The following SUGT1 variants were observed in gnomAD, a reference collection of about 807,000 sequenced individuals.
The protein encoded by SUGT1 is protein SGT1 homolog.
SUGT1 carries 15 observed loss-of-function variants against 56.1 expected under a neutral mutation model. That is an observed-to-expected ratio of 0.27 (90% CI 0.18 to 0.41). The LOEUF is 0.41. SUGT1 is among the 10% of genes least tolerant of loss of function. SUGT1 has a pLI of 1.00. For synonymous variants in SUGT1, 123 were observed against 128.6 expected (o/e 0.96, Z 0.30); for missense variants, 347 against 382.2 (o/e 0.91, Z 0.77).
chr13:52,690,955 T>TC lies in SUGT1; in HGVS notation c.*3122dup, dbSNP rs1311450030. The TC allele has an allele frequency of 1.3e-5, 2 of 152,286 alleles. No homozygotes were observed. The highest frequency in any genetic ancestry group is 3.8e-4 in the East Asian group (2 of 5,204). The allele number at this position is 152,286 out of a possible 1,614,324, so 9.4% of individuals were successfully genotyped here. A position where few individuals can be genotyped will look rare whatever the true frequency, so the allele number is the denominator to read the frequency against. On this transcript the variant is annotated 3_prime_UTR_variant, in exon 13 of 13. Transcript: ENST00000310528. ...GGTGCGATCATGGCTCACTGTAGCCTCCAACTCCTAGGCTCAAGTAATCCT... is the reference window on the plus strand; with the variant it reads ...GGTGCGATCATGGCTCACTGTAGCCTCCCAACTCCTAGGCTCAAGTAATCCT...
intron 5 of SUGT1, among the ~76,000 whole-genome samples, chr13:52,662,250 T>C (rs537436488): frequency 6.6e-6 from 1 of 152,248 alleles, no homozygotes; most frequent in Admixed American, 6.5e-5. Flanking sequence ...CTTTTGAACC[T>C]CAACTCAGCT....
intron 12 of SUGT1, among the ~76,000 whole-genome samples, chr13:52,684,244 T>C (rs1354085133): frequency 6.6e-6 from 1 of 152,026 alleles, no homozygotes; most frequent in African/African-American, 2.4e-5. Context: ...TGATATCTTT[T>C]TATCATTCTT....
At chr13:52,668,309 G>A (rs1288647038) in intron 10 of SUGT1, among the ~76,000 whole-genome samples, 1 of 152,078 alleles carries the variant, frequency 6.6e-6, no homozygotes, top group Non-Finnish European at 1.5e-5. Context: ...CATAGGTCCT[G>A]CAGCATACTG....
At chr13:52,669,481 A>G (rs1962843546) in intron 10 of SUGT1, among the ~76,000 whole-genome samples, 1 of 152,170 alleles carries the variant, frequency 6.6e-6, no homozygotes, top group Non-Finnish European at 1.5e-5. Context: ...AGGTGGAAAA[A>G]CAATCATGTT....
chr13:52,695,334 G>C lies in SUGT1; in HGVS notation c.*7499G>C, dbSNP rs149014518. The C allele has an allele frequency of 1.3e-5, 2 of 152,168 alleles. No homozygotes were observed. The highest frequency in any genetic ancestry group is 3.9e-4 in the East Asian group (2 of 5,180). The allele number at this position is 152,168 out of a possible 1,614,324, so 9.4% of individuals were successfully genotyped here. On this transcript the variant is annotated 3_prime_UTR_variant, in exon 13 of 13. Coordinates refer to ENST00000310528, the MANE Select transcript of SUGT1 (RefSeq NM_006704.5). The stretch of plus-strand genomic sequence containing the variant: ...AAATTATACTTCACCACAGAGACAG[G>C]TGTTGTTTTGTAATGGAAGGAGTAG...
chr13:52,679,906 A>G (rs1963299210), intron 11 of SUGT1, 68 bp from the exon 12 acceptor site: 5 of 1,463,536 alleles, frequency 3.4e-6, no homozygotes, highest in Non-Finnish European at 4.5e-6. Flanking sequence ...CATGGTCACA[A>G]AGTTTACATA....
chr13:52,663,559 C>T (rs541782601), intron 7 of SUGT1, among the ~76,000 whole-genome samples: 3 of 152,272 alleles, frequency 2.0e-5, no homozygotes, highest in African/African-American at 4.8e-5. Context: ...GCTTCAAACT[C>T]CTGGGCTCAA....
In SUGT1 at chr13:52,688,846, T is replaced by C. The variant is rs1963685830; in HGVS notation, c.*1011T>C. On this transcript the variant is annotated 3_prime_UTR_variant, in exon 13 of 13. Transcript: ENST00000310528. ...AAGGAACTGTGGAAAGATTGAATGC[T>C]GAACTCGGTATAAATACACTTTAGA... 3 of 152,208 alleles carry C rather than the reference T, an allele frequency of 2.0e-5. No homozygotes were observed. Among genetic ancestry groups the C allele is most frequent in the African/African-American group, 4.8e-5 (2 of 41,456 alleles). 9.4% of individuals were successfully genotyped at this position (152,208 alleles called of 1,614,324 possible).
At chr13:52,667,758 A>C (rs910139996) in intron 10 of SUGT1, among the ~76,000 whole-genome samples, 1 of 152,160 alleles carries the variant, frequency 6.6e-6, no homozygotes, top group Non-Finnish European at 1.5e-5. Context: ...TAGGAAAAAA[A>C]CTGAAAATTT....
chr13:52,689,256 C>T lies in SUGT1; in HGVS notation c.*1421C>T, dbSNP rs1963702406. On this transcript the variant is annotated 3_prime_UTR_variant, in exon 13 of 13. Transcript: ENST00000310528. The stretch of plus-strand genomic sequence containing the variant: ...CATTCTAGAGTTTTCACTTGTCCTT[C>T]TGTCCACTTAGAGCTACTAGATACA... The T allele has an allele frequency of 6.6e-6, 1 of 152,160 alleles. No individual in the cohort carries two copies. The allele number at this position is 152,160 out of a possible 1,614,324, so 9.4% of individuals were successfully genotyped here.
At chr13:52,666,697 T>C (rs1298596020) in intron 9 of SUGT1, 115 bp from the exon 10 acceptor site, 2 of 724,538 alleles carry the variant, frequency 2.8e-6, no homozygotes, top group Admixed American at 2.9e-5. Context: ...AAATTCCATA[T>C]ATAATGTTTA....
chr13:52,677,895 CA>C (rs1437322454), intron 11 of SUGT1, among the ~76,000 whole-genome samples: 1 of 152,116 alleles, frequency 6.6e-6, no homozygotes, highest in Admixed American at 6.6e-5. Context: ...GATTAAAGAT[CA>C]AGGCTTTTTA....
intron 2 of SUGT1, among the ~76,000 whole-genome samples, chr13:52,654,690 G>T (rs1962074791): frequency 6.6e-6 from 1 of 152,184 alleles, no homozygotes; most frequent in South Asian, 2.1e-4. Context: ...CATACAGTAG[G>T]TGCTTTATTG....
In SUGT1 at chr13:52,665,619, C is replaced by CTT. The variant is rs752817871; in HGVS notation, c.423-7_423-6dup. ...AAAATTAGAAGAGTTACCTAAGTTT[C>CTT]TTTTTTTTTTTTAATAGGTATGACT... On this transcript the variant is annotated splice_polypyrimidine_tract_variant and intron_variant, in intron 8 of 12. Coordinates refer to ENST00000310528, the MANE Select transcript of SUGT1 (RefSeq NM_006704.5). 219 of 1,115,628 alleles carry CTT rather than the reference C, an allele frequency of 2.0e-4. No individual in the cohort carries two copies. The highest frequency in any genetic ancestry group is 4.4e-4 in the South Asian group (25 of 57,054). 69.1% of individuals were successfully genotyped at this position (1,115,628 alleles called of 1,614,324 possible). A position where few individuals can be genotyped will look rare whatever the true frequency, so the allele number is the denominator to read the frequency against.
rs1963749014 is a variant in SUGT1, at chr13:52,690,618, T to A, written c.*2783T>A. 1 of 152,218 alleles carries A rather than the reference T, an allele frequency of 6.6e-6. No homozygotes were observed. Among genetic ancestry groups the A allele is most frequent in the Non-Finnish European group, 1.5e-5 (1 of 68,044 alleles). The allele number at this position is 152,218 out of a possible 1,614,324, so 9.4% of individuals were successfully genotyped here. Reference sequence around the variant, plus strand: ...TCAAAGAATCTTGAATAGAATAATCTGCTTTTTGAACTCTGCTATCTAGTA... The same window carrying A: ...TCAAAGAATCTTGAATAGAATAATCAGCTTTTTGAACTCTGCTATCTAGTA... On this transcript the variant is annotated 3_prime_UTR_variant, in exon 13 of 13. Transcript: ENST00000310528.
chr13:52,664,558 G>A (rs756336289), intron 8 of SUGT1, among the ~76,000 whole-genome samples: 19 of 152,136 alleles, frequency 1.2e-4, no homozygotes, highest in Non-Finnish European at 2.4e-4. Flanking sequence ...TCTTAGGACC[G>A]TAACAGAAAC....
At chr13:52,673,986 G>T (rs1367013429) in intron 10 of SUGT1, among the ~76,000 whole-genome samples, 4 of 150,120 alleles carry the variant, frequency 2.7e-5, no homozygotes, top group Non-Finnish European at 4.4e-5. Flanking sequence ...GAATTCTAGA[G>T]ATTCTTATGA....
chr13:52,653,124 T>C (rs374639446), intron 2 of SUGT1, 21 bp downstream of exon 2: 27 of 1,613,896 alleles, frequency 1.7e-5, no homozygotes, highest in African/African-American at 9.3e-5. Flanking sequence ...CCATTTCTGC[T>C]TCCTCCACTC....
intron 5 of SUGT1, chr13:52,661,490 A>G (rs1243483086): frequency 6.0e-6 from 2 of 332,290 alleles, no homozygotes; most frequent in South Asian, 4.4e-5. Context: ...ACGGGGTTTC[A>G]TCGTGTTGGC....
Sources: allele counts gnomAD v4.1 joint callset (sites outside exome capture counted in the v4.1 genomes callset), GRCh38; gene constraint gnomAD v4.1.1; transcripts MANE v1.5; gene names NCBI Gene and HGNC (gene_info 2026-07-23, HGNC 2026-07-21).